MARCHF1: variants seen among roughly 807,000 people sequenced by gnomAD.
MARCHF1 encodes E3 ubiquitin-protein ligase MARCHF1.
In MARCHF1, 40 loss-of-function variants were observed where a neutral mutation model predicts 54.2. The ratio of observed to expected loss-of-function variants is 0.74; its 90% confidence interval spans 0.57 to 0.96. The LOEUF (loss-of-function observed/expected upper bound fraction) is 0.96. Ranked by LOEUF, MARCHF1 falls within the 40% of genes least tolerant of loss-of-function variation. The pLI is 0.00. For missense variants in MARCHF1, 586 were observed against 656.5 expected (o/e 0.89, Z 1.17); for synonymous variants, 236 against 236.3 (o/e 1.00, Z 0.01).
intron 4 of MARCHF1, among the ~76,000 whole-genome samples, chr4:163,821,966 T>C (rs1221390957): frequency 6.6e-6 from 1 of 151,974 alleles, no homozygotes; most frequent in Non-Finnish European, 1.5e-5. Flanking sequence ...TGGAAGCAGA[T>C]ATAAAAGGAA....
intron 1 of MARCHF1, among the ~76,000 whole-genome samples, chr4:164,119,834 G>T (rs1447572556): frequency 6.6e-6 from 1 of 151,574 alleles, no homozygotes; most frequent in African/African-American, 2.4e-5. Context: ...TTTTCAAAAA[G>T]AAAATATAAA....
intron 1 of MARCHF1, among the ~76,000 whole-genome samples, chr4:164,301,957 T>C (rs1734571559): frequency 6.6e-6 from 1 of 152,072 alleles, no homozygotes; most frequent in Non-Finnish European, 1.5e-5. Flanking sequence ...TGGCTAGGAC[T>C]GTGGAGGAGA....
chr4:163,963,640 G>A (rs1752383753), intron 3 of MARCHF1, among the ~76,000 whole-genome samples: 2 of 151,832 alleles, frequency 1.3e-5, no homozygotes, highest in African/African-American at 4.8e-5. Context: ...CTTAAATCAG[G>A]ACTTGATTTG....
intron 1 of MARCHF1, among the ~76,000 whole-genome samples, chr4:164,171,886 T>C (rs1009517043): frequency 6.6e-6 from 1 of 152,222 alleles, no homozygotes; most frequent in Admixed American, 6.5e-5. Flanking sequence ...CTTTCATTTT[T>C]CAATTATTCT....
intron 1 of MARCHF1, among the ~76,000 whole-genome samples, chr4:164,228,973 G>C (rs569665949): frequency 2.0e-3 from 297 of 152,282 alleles, no homozygotes; most frequent in Non-Finnish European, 3.7e-3. Flanking sequence ...GGAAAGCATA[G>C]CTTTGTGAGT....
At chr4:164,346,595 T>A (rs1330376020) in intron 1 of MARCHF1, among the ~76,000 whole-genome samples, 1 of 46,620 alleles carries the variant, frequency 2.1e-5, no homozygotes, top group Non-Finnish European at 4.5e-5. Context: ...CAAACCTGTA[T>A]GTATGTATGT....
intron 2 of MARCHF1, among the ~76,000 whole-genome samples, chr4:164,020,356 A>G (rs1008790027): frequency 2.0e-5 from 3 of 152,212 alleles, no homozygotes; most frequent in Non-Finnish European, 2.9e-5. Flanking sequence ...AATGTTAACC[A>G]AGGATTCTGG....
chr4:164,182,160 T>G (rs1308448117), intron 1 of MARCHF1, among the ~76,000 whole-genome samples: 1 of 152,128 alleles, frequency 6.6e-6, no homozygotes, highest in African/African-American at 2.4e-5. Flanking sequence ...GACATTAATA[T>G]GTAGACATAA....
In MARCHF1 at chr4:164,317,886, T is replaced by C. The variant is rs909019058; in HGVS notation, c.-323+65984A>G. On this transcript the variant is annotated intron_variant, in intron 1 of 9. Coordinates refer to ENST00000514618, the MANE Select transcript of MARCHF1 (RefSeq NM_001394959.1). The stretch of plus-strand genomic sequence containing the variant: ...CAGCCCACATATTTGTCATACTCAA[T>C]GTGAATTAGGTCAACTGTGTTTCAT... Among the ~76,000 whole-genome samples the C allele has an allele frequency of 2.0e-5, 3 of 152,180 alleles. No homozygotes were observed. The East Asian group carries it at 5.8e-4, about 29-fold the overall frequency.
chr4:163,696,782 T>C lies in MARCHF1; in HGVS notation c.162+4031A>G, dbSNP rs78953274. 3.1e-3 allele frequency among the ~76,000 whole-genome samples: 477 copies of C among 152,260 alleles called. 3 individuals carry two copies. Among genetic ancestry groups the C allele is most frequent in the African/African-American group, 0.011 (455 of 41,552 alleles). ...CCCATTCTTCAAGTGCCTTTTTACA[T>C]ACTATGCTTCTAAGAAATTTTCTCT... On this transcript the variant is annotated intron_variant, in intron 5 of 9. Coordinates refer to ENST00000514618, the MANE Select transcript of MARCHF1 (RefSeq NM_001394959.1).
In MARCHF1 at chr4:163,968,068, A is replaced by G. The variant is rs115716622; in HGVS notation, c.-39+20433T>C. Reference sequence around the variant, plus strand: ...AGATATTAATTAAGAATTCATAAAAATTTCCCCTGCATTGCTGGCAATCTT... The same window carrying G: ...AGATATTAATTAAGAATTCATAAAAGTTTCCCCTGCATTGCTGGCAATCTT... On this transcript the variant is annotated intron_variant, in intron 3 of 9. Coordinates refer to ENST00000514618, the MANE Select transcript of MARCHF1 (RefSeq NM_001394959.1). 5.1e-3 allele frequency among the ~76,000 whole-genome samples: 772 copies of G among 152,260 alleles called. 10 individuals are homozygous for G. The highest frequency in any genetic ancestry group is 0.018 in the African/African-American group (749 of 41,556).
intron 1 of MARCHF1, among the ~76,000 whole-genome samples, chr4:164,276,033 C>T (rs1028875958): frequency 5.9e-5 from 9 of 152,258 alleles, no homozygotes; most frequent in South Asian, 4.1e-4. Flanking sequence ...TAGTCTGTCC[C>T]ATTTCAACAA....
intron 5 of MARCHF1, among the ~76,000 whole-genome samples, chr4:163,645,496 GAAAT>G (rs1742720251): frequency 6.6e-6 from 1 of 152,016 alleles, no homozygotes; most frequent in Non-Finnish European, 1.5e-5. Flanking sequence ...CCAAAAGAAA[GAAAT>G]AAAGTTCCAG....
At chr4:164,209,232 A>T (rs1456186937) in intron 1 of MARCHF1, among the ~76,000 whole-genome samples, 2 of 152,158 alleles carry the variant, frequency 1.3e-5, no homozygotes, top group Non-Finnish European at 2.9e-5. Context: ...ATGATGCCTG[A>T]TCAGAAGAAT....
intron 7 of MARCHF1, among the ~76,000 whole-genome samples, chr4:163,592,957 C>G (rs1175757218): frequency 1.3e-5 from 2 of 152,078 alleles, no homozygotes; most frequent in African/African-American, 4.8e-5. Flanking sequence ...CTCAGACTGT[C>G]CAAATCCTCC....
At chr4:164,246,448 G>A (rs10434112) in intron 1 of MARCHF1, among the ~76,000 whole-genome samples, 7,870 of 27,158 alleles carry the variant, frequency 0.29, 2,011 homozygotes, top group East Asian at 0.47. Context: ...ACAAAAATCA[G>A]TTCAAGATGG....
intron 1 of MARCHF1, among the ~76,000 whole-genome samples, chr4:164,230,395 CAA>C (rs59980603): frequency 1.6e-4 from 16 of 99,440 alleles, no homozygotes; most frequent in African/African-American, 1.1e-4. Flanking sequence ...AACTCCATCT[CAA>C]AAAAAAAAAA....
At chr4:164,134,608 AC>A (rs565317381) in intron 1 of MARCHF1, among the ~76,000 whole-genome samples, 35 of 152,150 alleles carry the variant, frequency 2.3e-4, no homozygotes, top group African/African-American at 7.9e-4. Context: ...ACTCGCCCTC[AC>A]TCCACAATAT....
chr4:163,737,088 G>GTCTT (rs1746055694), intron 4 of MARCHF1, among the ~76,000 whole-genome samples: 1 of 149,344 alleles, frequency 6.7e-6, no homozygotes, highest in Non-Finnish European at 1.5e-5. Flanking sequence ...GTGTCTAAGT[G>GTCTT]TCTTTTAATT....
Sources: gnomAD v4.1 joint callset for allele counts (sites outside exome capture counted in the v4.1 genomes callset) on GRCh38, gnomAD v4.1.1 for gene constraint, MANE v1.5 for transcripts, NCBI Gene and HGNC (gene_info 2026-07-23, HGNC 2026-07-21) for gene names.